The following KANK1 variants were observed in gnomAD, a reference collection of about 807,000 sequenced individuals.
KANK1 encodes the protein KN motif and ankyrin repeat domains 1, also known as KN motif and ankyrin repeat domain-containing protein 1.
A neutral mutation model predicts 106.2 loss-of-function variants in KANK1; 109 were observed. That is an observed-to-expected ratio of 1.03 (90% CI 0.88 to 1.20). The LOEUF is 1.20. KANK1 is among the 50% of genes most tolerant of loss of function. The pLI, the probability that KANK1 is intolerant of heterozygous loss-of-function variation, is 0.00. For synonymous variants in KANK1, 873 were observed against 652.2 expected (o/e 1.34, Z -5.16); for missense variants, 2,399 against 1,710.7 (o/e 1.40, Z -7.10).
intron 1 of KANK1, among the ~76,000 whole-genome samples, chr9:522,487 CAG>C (rs1390852835): frequency 6.6e-6 from 1 of 151,566 alleles, no homozygotes; most frequent in Non-Finnish European, 1.5e-5. Context: ...TGGGGGTACT[CAG>C]TACTCTGTCT....
chr9:645,919 G>T (rs1039136453), intron 1 of KANK1, among the ~76,000 whole-genome samples: 1 of 150,908 alleles, frequency 6.6e-6, no homozygotes, highest in African/African-American at 2.5e-5. Context: ...ATTATCTCAT[G>T]ATTTAGCCAC....
At position 666,413 on chromosome 9, in the gene KANK1, CT is replaced by C. The variant is rs776175494; in HGVS notation, c.-83-10474del. Among the ~76,000 whole-genome samples, 6 of 151,992 alleles carry C rather than the reference CT, an allele frequency of 3.9e-5. No individual in the cohort carries two copies. In the East Asian group the frequency reaches 9.7e-4, roughly 24 times the overall value. ...TTTACATTCAAAGCGAATTTGACTT[CT>C]TTCTTTCCAATATGAACACCTTTAT... On this transcript the variant is annotated intron_variant, in intron 1 of 11. Transcript: ENST00000382297.
intron 1 of KANK1, among the ~76,000 whole-genome samples, chr9:659,550 G>C (rs12352968): frequency 0.16 from 24,276 of 152,040 alleles, 2,778 homozygotes; most frequent in East Asian, 0.33. Flanking sequence ...AACTACCTGA[G>C]ACTGGGTAAT....
At chr9:586,344 T>A (rs976542882) in intron 1 of KANK1, among the ~76,000 whole-genome samples, 6 of 152,170 alleles carry the variant, frequency 3.9e-5, no homozygotes, top group African/African-American at 1.4e-4. Context: ...AATTTCTCTG[T>A]AAGAGAGAGT....
At chr9:716,829 T>A (rs757956027) in intron 3 of KANK1, among the ~76,000 whole-genome samples, 1 of 152,192 alleles carries the variant, frequency 6.6e-6, no homozygotes, top group Non-Finnish European at 1.5e-5. Flanking sequence ...TTTTTTTTAA[T>A]TATCTGGTCA....
chr9:616,633 A>C (rs898554814), intron 1 of KANK1, among the ~76,000 whole-genome samples: 1 of 152,192 alleles, frequency 6.6e-6, no homozygotes, highest in African/African-American at 2.4e-5. Flanking sequence ...ACTCATTATC[A>C]ATCAAGATAG....
chr9:608,742 C>G (rs1455853508), intron 1 of KANK1, among the ~76,000 whole-genome samples: 1 of 152,122 alleles, frequency 6.6e-6, no homozygotes, highest in African/African-American at 2.4e-5. Context: ...ACGAACCACA[C>G]CTGAAGAGCT....
intron 3 of KANK1, among the ~76,000 whole-genome samples, chr9:721,388 T>A (rs192069315): frequency 1.1e-4 from 16 of 152,296 alleles, no homozygotes; most frequent in African/African-American, 3.4e-4. Context: ...AGATTCCTTA[T>A]GAAAAATGTC....
chr9:573,683 A>C (rs1261221058), intron 1 of KANK1, among the ~76,000 whole-genome samples: 1 of 152,134 alleles, frequency 6.6e-6, no homozygotes, highest in African/African-American at 2.4e-5. Context: ...CTTAAAGAAA[A>C]TGTTAAAATG....
At chr9:504,109 G>C (rs2058621683), upstream of KANK1, among the ~76,000 whole-genome samples, 2 of 152,136 alleles carry the variant, frequency 1.3e-5, no homozygotes, top group African/African-American at 4.8e-5. Flanking sequence ...CCCCTCACCC[G>C]GGGAGGGAGA....
rs184748886 is a variant in KANK1 at position 690,908 on chromosome 9, T to G, written c.37+13899T>G. Among the ~76,000 whole-genome samples the G allele has an allele frequency of 1.5e-3, 235 of 152,342 alleles. 2 individuals carry two copies. The highest frequency in any genetic ancestry group is 5.4e-3 in the African/African-American group (226 of 41,564). On this transcript the variant is annotated intron_variant, in intron 2 of 11. Coordinates refer to ENST00000382297, the MANE Select transcript of KANK1 (RefSeq NM_015158.5). ...CCTTTTCTCACTGGGCGTCACCTTT[T>G]CTGGCTACTCTCCGCCTGTCAGAGG...
intron 3 of KANK1, among the ~76,000 whole-genome samples, chr9:492,710 G>C (rs903120393): frequency 1.3e-5 from 2 of 151,926 alleles, no homozygotes; most frequent in Admixed American, 1.3e-4. Context: ...ACATGCTTTT[G>C]AGAAAAAATA....
intron 1 of KANK1, among the ~76,000 whole-genome samples, chr9:632,197 C>T (rs944417328): frequency 2.0e-5 from 3 of 152,048 alleles, no homozygotes; most frequent in African/African-American, 7.3e-5. Context: ...TCATATTTTC[C>T]TTTAACATCA....
intron 1 of KANK1, among the ~76,000 whole-genome samples, chr9:555,252 C>T (rs2134195133): frequency 6.6e-6 from 1 of 152,240 alleles, no homozygotes; most frequent in South Asian, 2.1e-4. Context: ...ATCTGAAGTC[C>T]TGAAGAGTCA....
chr9:662,040 G>A (rs1843442296), intron 1 of KANK1, among the ~76,000 whole-genome samples: 1 of 152,004 alleles, frequency 6.6e-6, no homozygotes, highest in African/African-American at 2.4e-5. Context: ...TTGTCAGATG[G>A]GTAGAAGCCA....
At chr9:687,429 C>T (rs906655120) in intron 2 of KANK1, among the ~76,000 whole-genome samples, 3 of 152,106 alleles carry the variant, frequency 2.0e-5, no homozygotes, top group Non-Finnish European at 2.9e-5. Context: ...TTGTTTTGGA[C>T]TTATTTTGTC....
intron 1 of KANK1, among the ~76,000 whole-genome samples, chr9:555,217 G>A (rs1286911507): frequency 5.9e-5 from 9 of 152,160 alleles, no homozygotes; most frequent in East Asian, 1.9e-4. Flanking sequence ...CTTATACCAC[G>A]TCAGTAATCC....
chr9:512,030 G>A (rs1587377442), intron 1 of KANK1, among the ~76,000 whole-genome samples: 2 of 152,060 alleles, frequency 1.3e-5, no homozygotes, highest in East Asian at 3.9e-4. Context: ...CATGACTATT[G>A]CCTTAGTGGG....
At chr9:577,061 G>A (rs1245469789) in intron 1 of KANK1, among the ~76,000 whole-genome samples, 1 of 152,134 alleles carries the variant, frequency 6.6e-6, no homozygotes, top group African/African-American at 2.4e-5. Flanking sequence ...TGAATCTGCA[G>A]ACCTTTGCAG....
Sources: gnomAD v4.1 joint callset for allele counts (sites outside exome capture counted in the v4.1 genomes callset) on GRCh38, gnomAD v4.1.1 for gene constraint, MANE v1.5 for transcripts, NCBI Gene and HGNC (gene_info 2026-07-23, HGNC 2026-07-21) for gene names.